The following HSPA9 variants were observed in gnomAD, a reference collection of about 807,000 sequenced individuals.
The protein encoded by HSPA9 is heat shock protein family A (Hsp70) member 9, also known as stress-70 protein, mitochondrial.
In HSPA9, 28 loss-of-function variants were observed where a neutral mutation model predicts 81.5. The ratio of observed to expected loss-of-function variants is 0.34; its 90% CI spans 0.25 to 0.47. The LOEUF is 0.47. Ranked by LOEUF, HSPA9 falls within the 20% of genes least tolerant of loss-of-function variation. The pLI, the probability that HSPA9 is intolerant of heterozygous loss-of-function variation, is 1.00. For synonymous variants in HSPA9, 293 were observed against 290.4 expected, an observed-to-expected ratio of 1.01 and a Z score of -0.09; for missense variants, 678 against 838.0, an observed-to-expected ratio of 0.81 and a Z score of 2.36.
chr5:138,564,376 T>C (rs1216254403), intron 9 of HSPA9, among the ~76,000 whole-genome samples: 1 of 152,198 alleles, frequency 6.6e-6, no homozygotes, highest in Non-Finnish European at 1.5e-5. Flanking sequence ...AGTGCTGAGA[T>C]TACAGATGTG....
At chr5:138,571,521 G>A (rs754813087) in intron 3 of HSPA9, among the ~76,000 whole-genome samples, 2 of 152,034 alleles carry the variant, frequency 1.3e-5, no homozygotes, top group Non-Finnish European at 2.9e-5. Flanking sequence ...TTAAGACACA[G>A]AAACAGCTCC....
chr5:138,556,436 A>G lies in HSPA9; in HGVS notation c.1962+16T>C. ...CCAGATCAAGTTAGAATCAAAATCC[A>G]CTTCAGCCCTTGTACCTTTTTGTAT... On this transcript the variant is annotated intron_variant, in intron 16 of 16. Coordinates refer to ENST00000297185, the MANE Select transcript of HSPA9 (RefSeq NM_004134.7). 1 of 1,612,256 alleles carries G rather than the reference A, an allele frequency of 6.2e-7. No homozygotes were observed. The highest frequency in any genetic ancestry group is 8.5e-7 in the Non-Finnish European group (1 of 1,179,876).
chr5:138,572,008 G>T (rs1289670799), intron 3 of HSPA9, among the ~76,000 whole-genome samples: 1 of 145,786 alleles, frequency 6.9e-6, no homozygotes, highest in Non-Finnish European at 1.5e-5. Flanking sequence ...CTAGGCTGGA[G>T]TGCAGTGGCA....
At position 138,571,000 on chromosome 5, in the gene HSPA9, T is replaced by C. The variant is rs1429897795; in HGVS notation, c.370A>G (p.Ile124Val). ...TCAGGATCATCATATCGCCGGCCAA[T>C]GAGACGCTTGGTAGCATAAAATGTA... ...NNTFYATKRL[I>V]GRRYDDPEVQ... The change falls in exon 4 of 17, where the codon ATT becomes GTT. Residue 124 changes from isoleucine to valine, a missense_variant. Transcript: ENST00000297185. The C allele has an allele frequency of 6.2e-6, 10 of 1,614,114 alleles. No individual in the cohort carries two copies. The highest frequency in any genetic ancestry group is 7.6e-6 in the Non-Finnish European group (9 of 1,179,990).
chr5:138,558,810 G>C (rs1261819328), intron 11 of HSPA9, among the ~76,000 whole-genome samples, 153 bp from the exon 12 acceptor site: 1 of 152,240 alleles, frequency 6.6e-6, no homozygotes, highest in Non-Finnish European at 1.5e-5. Context: ...ATAGGGAATA[G>C]AAGTAGGATT....
Position 138,567,487 on chromosome 5 carries a change from A to G in HSPA9, c.684T>C (p.Leu228=). The G allele has an allele frequency of 6.2e-7, 1 of 1,614,104 alleles. No individual in the cohort carries two copies. Among genetic ancestry groups the G allele is most frequent in the South Asian group, 1.1e-5 (1 of 91,084 alleles). Residue 228 remains leucine, a synonymous_variant, in exon 7 of 17, where the codon CTT becomes CTC. Transcript: ENST00000297185. ...CTTCTGATTTGTCTAGACCATAGGC[A>G]AGAGCAGCAGCTGTGGGCTCATTAA... ...RVINEPTAAA[L]AYGLDKSEDK...
At chr5:138,573,910 G>T in intron 2 of HSPA9, 60 bp from the exon 3 acceptor site, 1 of 1,376,716 alleles carries the variant, frequency 7.3e-7, no homozygotes, top group Non-Finnish European at 1.0e-6. Flanking sequence ...AAAGTCACTG[G>T]AAGATAATAT....
intron 9 of HSPA9, among the ~76,000 whole-genome samples, chr5:138,562,216 C>T (rs1327752632): frequency 6.7e-6 from 1 of 149,556 alleles, no homozygotes; most frequent in East Asian, 2.1e-4. Flanking sequence ...GGATTACAGG[C>T]GTGAGCCACC....
At position 138,555,853 on chromosome 5, in the gene HSPA9, T is replaced by C. The variant is rs1750507752; in HGVS notation, c.*184A>G. On this transcript the variant is annotated 3_prime_UTR_variant, in exon 17 of 17. Transcript: ENST00000297185. ...TAGAATATTGTGAACTTTATACTGT[T>C]AGAATCACTGTCCATTAAATGATCA... 2 of 628,630 alleles carry C rather than the reference T, an allele frequency of 3.2e-6. No homozygotes were observed. Among genetic ancestry groups the C allele is most frequent in the African/African-American group, 1.8e-5 (1 of 54,516 alleles). The allele number at this position is 628,630 out of a possible 1,614,324, so 38.9% of individuals were successfully genotyped here.
intron 4 of HSPA9, among the ~76,000 whole-genome samples, chr5:138,569,340 T>C (rs530717389): frequency 9.2e-5 from 14 of 152,370 alleles, no homozygotes; most frequent in African/African-American, 2.9e-4. Context: ...GCAGCCACTT[T>C]AGAATAATTT....
At chr5:138,558,457 G>A (rs1580741424) in intron 12 of HSPA9, 96 bp downstream of exon 12, 3 of 848,712 alleles carry the variant, frequency 3.5e-6, no homozygotes, top group East Asian at 4.9e-5. Flanking sequence ...GTATGTATGT[G>A]TATGCCAGCA....
intron 4 of HSPA9, among the ~76,000 whole-genome samples, chr5:138,569,587 A>C (rs1033071308): frequency 6.6e-6 from 1 of 152,252 alleles, no homozygotes; most frequent in African/African-American, 2.4e-5. Context: ...CACATGCTAC[A>C]ACATGGATGA....
At chr5:138,564,917 C>T (rs951798883) in intron 9 of HSPA9, among the ~76,000 whole-genome samples, 1 of 152,172 alleles carries the variant, frequency 6.6e-6, no homozygotes, top group Non-Finnish European at 1.5e-5. Flanking sequence ...CAGCAGAATG[C>T]TTGCAGAACC....
At chr5:138,571,941 C>A (rs1158284458) in intron 3 of HSPA9, among the ~76,000 whole-genome samples, 2 of 140,268 alleles carry the variant, frequency 1.4e-5, no homozygotes, top group Non-Finnish European at 3.1e-5. Flanking sequence ...GGATTACAGG[C>A]TTGAGGCACT....
In HSPA9 at chr5:138,556,107, G is replaced by A; in HGVS notation, c.1970C>T (p.Ser657Phe). 6.2e-7 allele frequency: 1 copy of A among 1,613,146 alleles called. No individual in the cohort carries two copies. The highest frequency in any genetic ancestry group is 8.5e-7 in the Non-Finnish European group (1 of 1,179,330). Residue 657 changes from serine (S) to phenylalanine (F), a missense_variant, in exon 17 of 17, where the codon TCT (serine) becomes TTT (phenylalanine). This residue lies in a region of HSPA9 where 100 missense variants were observed against 99.5 expected (regional missense o/e 1.00). Coordinates refer to ENST00000297185, the MANE Select transcript of HSPA9 (RefSeq NM_004134.7). Reference protein sequence around the residue: ...LFEMAYKKMASEREGSGSSGT... With the variant: ...LFEMAYKKMAFEREGSGSSGT... ...AGAACTTCCAGAGCCTTCTCGCTCA[G>A]ATGCCATCTGTTAAGAAAACATTTG...
intron 10 of HSPA9, 28 bp from the exon 11 acceptor site, chr5:138,560,119 G>C: frequency 6.4e-7 from 1 of 1,568,126 alleles, no homozygotes; most frequent in Non-Finnish European, 8.8e-7. Context: ...AGAACCTGTC[G>C]GCCCACACTT....
chr5:138,567,882 C>T (rs549568910), intron 5 of HSPA9, among the ~76,000 whole-genome samples, 160 bp from the exon 6 acceptor site: 1 of 152,300 alleles, frequency 6.6e-6, no homozygotes, highest in Admixed American at 6.5e-5. Context: ...AGTAAATACA[C>T]TGGTTAAAAA....
intron 3 of HSPA9, among the ~76,000 whole-genome samples, chr5:138,571,433 C>T (rs1198435793): frequency 1.3e-5 from 2 of 151,998 alleles, no homozygotes; most frequent in African/African-American, 2.4e-5. Flanking sequence ...GATCTGCCCG[C>T]CTCAGCCTCC....
chr5:138,565,334 A>G (rs1750739913), intron 9 of HSPA9, among the ~76,000 whole-genome samples: 1 of 152,178 alleles, frequency 6.6e-6, no homozygotes, highest in Non-Finnish European at 1.5e-5. Context: ...CAGCAAGACC[A>G]TGGATGCGTG....
Sources: allele counts gnomAD v4.1 joint callset (sites outside exome capture counted in the v4.1 genomes callset), GRCh38; gene constraint gnomAD v4.1.1; regional missense constraint gnomAD v4.1.1; transcripts MANE v1.5; gene names NCBI Gene and HGNC (gene_info 2026-07-23, HGNC 2026-07-21).